Variants in PARD3 observed in about 807,000 individuals in gnomAD.
PARD3 encodes the protein par-3 family cell polarity regulator.
Under a neutral mutation model 155.4 loss-of-function variants are expected in PARD3, and 75 were observed. That is an observed-to-expected ratio of 0.48 (90% CI 0.40 to 0.58). The LOEUF is 0.58. Among genes scored for constraint, PARD3 ranks in the 20% least tolerant of loss-of-function variants. PARD3 has a pLI of 0.00. For missense variants in PARD3, 1,642 were observed against 1,721.7 expected, an observed-to-expected ratio of 0.95 and a Z score of 0.82; for synonymous variants, 576 against 610.5, an observed-to-expected ratio of 0.94 and a Z score of 0.83.
At chr10:34,464,586 T>C (rs2077885522) in intron 4 of PARD3, among the ~76,000 whole-genome samples, 3 of 152,058 alleles carry the variant, frequency 2.0e-5, no homozygotes, top group Admixed American at 2.0e-4. Flanking sequence ...CTTCTAAAGG[T>C]TACTTATAAA....
chr10:34,780,932 C>T lies in PARD3; in HGVS notation c.120+33944G>A, dbSNP rs369493360. Among the ~76,000 whole-genome samples, 51 of 152,340 alleles carry T rather than the reference C, an allele frequency of 3.3e-4. 1 individual carries two copies. In the South Asian group the frequency reaches 0.01, roughly 30 times the overall value. Reference sequence around the variant, plus strand: ...GTGAAAGCTAAACCTCAAGATATGACTTCACACAGCTATAACGGGAAACAT... The same window carrying T: ...GTGAAAGCTAAACCTCAAGATATGATTTCACACAGCTATAACGGGAAACAT... On this transcript the variant is annotated intron_variant, in intron 1 of 24. Transcript: ENST00000374788.
intron 24 of PARD3, among the ~76,000 whole-genome samples, chr10:34,117,667 T>C (rs987438933): frequency 6.6e-6 from 1 of 152,100 alleles, no homozygotes; most frequent in East Asian, 1.9e-4. Flanking sequence ...ATCCCAGCAC[T>C]TTGGGGGGCT....
chr10:34,444,818 C>T (rs2076653300), intron 5 of PARD3, among the ~76,000 whole-genome samples: 1 of 152,192 alleles, frequency 6.6e-6, no homozygotes. Context: ...TAGCTTAGCA[C>T]TTTAAAGCAC....
At chr10:34,794,884 C>T (rs966154769) in intron 1 of PARD3, among the ~76,000 whole-genome samples, 7 of 152,354 alleles carry the variant, frequency 4.6e-5, no homozygotes, top group East Asian at 1.9e-4. Context: ...GTGATACACA[C>T]GCATATGCGC....
intron 12 of PARD3, among the ~76,000 whole-genome samples, 155 bp downstream of exon 12, chr10:34,372,343 T>C (rs185371613): frequency 1.4e-3 from 209 of 152,294 alleles, no homozygotes; most frequent in African/African-American, 4.7e-3. Flanking sequence ...GTAAGTCACC[T>C]TAAAATAAGA....
At chr10:34,659,178 A>G (rs1293679854) in intron 2 of PARD3, among the ~76,000 whole-genome samples, 1 of 152,224 alleles carries the variant, frequency 6.6e-6, no homozygotes, top group Non-Finnish European at 1.5e-5. Context: ...TCTGCCTCCA[A>G]GGAGCCTTGA....
At chr10:34,332,652 T>G (rs1835740835) in intron 18 of PARD3, among the ~76,000 whole-genome samples, 1 of 152,282 alleles carries the variant, frequency 6.6e-6, no homozygotes, top group East Asian at 1.9e-4. Flanking sequence ...ATGTTTAAAA[T>G]GTAGTACAAA....
intron 1 of PARD3, among the ~76,000 whole-genome samples, chr10:34,783,327 A>G (rs903751113): frequency 6.6e-5 from 10 of 152,250 alleles, no homozygotes; most frequent in African/African-American, 1.9e-4. Flanking sequence ...GTCCTCGGCC[A>G]GGCACAGTGG....
At chr10:34,345,444 G>C in intron 15 of PARD3, 8 of 984,470 alleles carry the variant, frequency 8.1e-6, no homozygotes, top group Non-Finnish European at 9.6e-6. Flanking sequence ...TCAATACAAA[G>C]TTCCTTTTGT....
chr10:34,736,638 C>CTTTATTTA (rs144845769), intron 1 of PARD3, among the ~76,000 whole-genome samples: 148 of 136,494 alleles, frequency 1.1e-3, no homozygotes, highest in African/African-American at 4.0e-3. Flanking sequence ...AAATAGGTTA[C>CTTTATTTA]TTTATTAATT....
chr10:34,335,988 A>C (rs1836135287), intron 18 of PARD3, among the ~76,000 whole-genome samples: 1 of 152,102 alleles, frequency 6.6e-6, no homozygotes, highest in South Asian at 2.1e-4. Flanking sequence ...TGAAGCAGTA[A>C]ATCATATTAC....
In PARD3 at chr10:34,700,367, C is replaced by T. The variant is rs77846170; in HGVS notation, c.121-3948G>A. Reference sequence around the variant, plus strand: ...AGGAATGCTGAGGCCCACTCTACTCCAGGATGTGGTAAGAGAAAACAGTGC... The same window carrying T: ...AGGAATGCTGAGGCCCACTCTACTCTAGGATGTGGTAAGAGAAAACAGTGC... On this transcript the variant is annotated intron_variant, in intron 1 of 24. Transcript: ENST00000374788. Among the ~76,000 whole-genome samples, 552 of 152,308 alleles carry T rather than the reference C, an allele frequency of 3.6e-3. 2 individuals are homozygous for T. Among genetic ancestry groups the T allele is most frequent in the African/African-American group, 0.013 (531 of 41,564 alleles).
intron 22 of PARD3, among the ~76,000 whole-genome samples, chr10:34,257,133 A>G (rs1426224220): frequency 1.3e-5 from 2 of 152,228 alleles, no homozygotes; most frequent in African/African-American, 4.8e-5. Context: ...CCAAGGACTT[A>G]GGGTACCCAA....
chr10:34,154,635 G>T (rs1254591647), intron 22 of PARD3, among the ~76,000 whole-genome samples: 1 of 152,176 alleles, frequency 6.6e-6, no homozygotes, highest in African/African-American at 2.4e-5. Flanking sequence ...ATTCATGGAA[G>T]ATTTTGTTTC....
chr10:34,212,662 A>C (rs1319517531), intron 22 of PARD3, among the ~76,000 whole-genome samples: 1 of 145,808 alleles, frequency 6.9e-6, no homozygotes, highest in Non-Finnish European at 1.5e-5. Context: ...CAGTTGGGGC[A>C]GGGGGGGTTC....
intron 2 of PARD3, among the ~76,000 whole-genome samples, chr10:34,589,958 T>C (rs888312049): frequency 6.6e-6 from 1 of 152,206 alleles, no homozygotes; most frequent in Non-Finnish European, 1.5e-5. Context: ...ACATCATCTG[T>C]AGTGATCCAC....
intron 1 of PARD3, among the ~76,000 whole-genome samples, chr10:34,744,132 T>C (rs973761864): frequency 6.6e-6 from 1 of 152,142 alleles, no homozygotes; most frequent in African/African-American, 2.4e-5. Flanking sequence ...TCACCGCCCA[T>C]CTCCCTCTGG....
intron 16 of PARD3, 121 bp from the exon 17 acceptor site, chr10:34,337,547 C>A: frequency 2.2e-6 from 1 of 448,474 alleles, no homozygotes; most frequent in Non-Finnish European, 3.7e-6. Flanking sequence ...AAGAAAAATT[C>A]AACTAAATAA....
At chr10:34,135,773 CAA>C (rs1947862412) in intron 22 of PARD3, among the ~76,000 whole-genome samples, 2 of 152,156 alleles carry the variant, frequency 1.3e-5, no homozygotes, top group Non-Finnish European at 2.9e-5. Flanking sequence ...GAGAACCATT[CAA>C]AGAGCTTGTT....
Sources: allele counts gnomAD v4.1 joint callset (sites outside exome capture counted in the v4.1 genomes callset), GRCh38; gene constraint gnomAD v4.1.1; transcripts MANE v1.5; gene names NCBI Gene and HGNC (gene_info 2026-07-23, HGNC 2026-07-21).